Variants in NLGN4X observed in about 807,000 individuals in gnomAD.
NLGN4X encodes neuroligin-4, X-linked.
NLGN4X carries 3 observed loss-of-function variants against 40.3 expected under a neutral mutation model. That is an observed-to-expected ratio of 0.07 (90% CI 0.03 to 0.19). The LOEUF (loss-of-function observed/expected upper bound fraction) is 0.19, where lower values mean the gene tolerates loss of function less well. Ranked by LOEUF, NLGN4X falls within the 10% of genes least tolerant of loss-of-function variation. The probability of loss-of-function intolerance (pLI) is 1.00; values close to 1 mark genes in which losing one functional copy is unlikely to be tolerated. For missense variants in NLGN4X, 382 were observed against 708.3 expected (o/e 0.54, Z 5.23); for synonymous variants, 270 against 306.8 (o/e 0.88, Z 1.25).
At chrX:6,092,621 T>C (rs1296036908) in intron 2 of NLGN4X, among the ~76,000 whole-genome samples, 1 of 111,999 alleles carries the variant, frequency 8.9e-6, no homozygotes, top group Non-Finnish European at 1.9e-5. Flanking sequence ...ACACAAAACT[T>C]GTGGTATTAA....
chrX:6,198,312 G>T lies in NLGN4X; in HGVS notation c.-306+30229C>A, dbSNP rs368385131. Reference sequence around the variant, plus strand: ...CATTCCAACTCGCCCTGGGTAGTCAGTCAAGAAGACACCTAGGACATAAGA... The same window carrying T: ...CATTCCAACTCGCCCTGGGTAGTCATTCAAGAAGACACCTAGGACATAAGA... On this transcript the variant is annotated intron_variant, in intron 1 of 5. Coordinates refer to ENST00000381095, the MANE Select transcript of NLGN4X (RefSeq NM_181332.3). 6.3e-5 allele frequency among the ~76,000 whole-genome samples: 7 copies of T among 111,613 alleles called. No individual in the cohort carries two copies. In the East Asian group the frequency reaches 1.4e-3, roughly 23 times the overall value.
chrX:6,139,288 T>G (rs1003081608), intron 2 of NLGN4X, among the ~76,000 whole-genome samples: 1 of 112,181 alleles, frequency 8.9e-6, no homozygotes, highest in African/African-American at 3.2e-5. Flanking sequence ...CTTTATTCTA[T>G]AGTCTGCTAA....
intron 2 of NLGN4X, among the ~76,000 whole-genome samples, chrX:6,068,371 C>T (rs942787186): frequency 9.0e-6 from 1 of 110,669 alleles, no homozygotes; most frequent in Non-Finnish European, 1.9e-5. Flanking sequence ...AGGCAGGGGG[C>T]AAGAGAGGGA....
At chrX:6,000,695 G>A (rs2035950751) in intron 3 of NLGN4X, among the ~76,000 whole-genome samples, 1 of 111,709 alleles carries the variant, frequency 9.0e-6, no homozygotes, top group Non-Finnish European at 1.9e-5. Context: ...ACCTCAGCCT[G>A]GACTTCATTG....
intron 4 of NLGN4X, among the ~76,000 whole-genome samples, chrX:5,905,831 C>G (rs760947076): frequency 8.9e-6 from 1 of 111,824 alleles, no homozygotes; most frequent in South Asian, 3.8e-4. Context: ...AGATGCGTCT[C>G]TTTTTTGTAG....
chrX:6,059,399 AT>A (rs2037715403), intron 2 of NLGN4X, among the ~76,000 whole-genome samples: 1 of 111,834 alleles, frequency 8.9e-6, no homozygotes, highest in Admixed American at 9.5e-5. Flanking sequence ...GTTGTCTTCC[AT>A]TTTTCATTAT....
At chrX:5,990,978 C>T (rs1423589599) in intron 3 of NLGN4X, among the ~76,000 whole-genome samples, 1 of 109,924 alleles carries the variant, frequency 9.1e-6, no homozygotes, top group Non-Finnish European at 1.9e-5. Context: ...CCAGCACATG[C>T]GTGTGTGCAT....
intron 2 of NLGN4X, among the ~76,000 whole-genome samples, chrX:6,095,771 A>G (rs763397798): frequency 2.7e-5 from 3 of 111,890 alleles, no homozygotes; most frequent in African/African-American, 9.8e-5. Flanking sequence ...TGGAGTGGGT[A>G]GACGCCAGGA....
At chrX:6,179,005 G>A (rs1921110733) in intron 1 of NLGN4X, among the ~76,000 whole-genome samples, 1 of 108,499 alleles carries the variant, frequency 9.2e-6, no homozygotes, top group Non-Finnish European at 1.9e-5. Flanking sequence ...GGTGTGAGAT[G>A]GGAAGATTAC....
At chrX:6,206,273 A>T (rs747074622) in intron 1 of NLGN4X, among the ~76,000 whole-genome samples, 26 of 111,691 alleles carry the variant, frequency 2.3e-4, no homozygotes, top group African/African-American at 8.5e-4. Flanking sequence ...AGCTGGCTGC[A>T]TAACTTCAGG....
intron 2 of NLGN4X, among the ~76,000 whole-genome samples, chrX:6,118,612 G>A (rs182461833): frequency 1.6e-3 from 183 of 111,469 alleles, no homozygotes; most frequent in Non-Finnish European, 2.2e-3. Context: ...ATCCTCCCTT[G>A]AGCGTATTAT....
intron 3 of NLGN4X, among the ~76,000 whole-genome samples, chrX:6,022,799 G>A (rs1359040947): frequency 2.7e-5 from 3 of 111,626 alleles, no homozygotes; most frequent in African/African-American, 9.8e-5. Flanking sequence ...CAATTTCAGA[G>A]GAAAACCCTA....
intron 2 of NLGN4X, chrX:6,032,596 G>T: frequency 3.9e-6 from 2 of 510,643 alleles, no homozygotes; most frequent in East Asian, 4.0e-5. Context: ...TTTTAAATAA[G>T]GGGAGAAAAA....
chrX:6,098,945 G>T (rs1241736943), intron 2 of NLGN4X, among the ~76,000 whole-genome samples: 1 of 112,182 alleles, frequency 8.9e-6, no homozygotes, highest in South Asian at 3.7e-4. Flanking sequence ...ACTGCTGGAA[G>T]AGTTTCTCAA....
chrX:6,094,469 C>T (rs2038712342), intron 2 of NLGN4X, among the ~76,000 whole-genome samples: 2 of 110,381 alleles, frequency 1.8e-5, no homozygotes, highest in South Asian at 7.8e-4. Context: ...ATGTTTTTCC[C>T]TGTGCCAGTG....
At chrX:6,127,313 T>C (rs926257027) in intron 2 of NLGN4X, among the ~76,000 whole-genome samples, 10 of 112,332 alleles carry the variant, frequency 8.9e-5, no homozygotes, top group East Asian at 2.8e-4. Flanking sequence ...CCACAAATCA[T>C]TGGGAAAGAA....
chrX:5,960,861 G>A (rs1015535087), intron 3 of NLGN4X, among the ~76,000 whole-genome samples: 35 of 111,323 alleles, frequency 3.1e-4, no homozygotes, highest in African/African-American at 1.0e-3. Context: ...TAGCAAGTTC[G>A]TGAATGTTAT....
intron 2 of NLGN4X, among the ~76,000 whole-genome samples, chrX:6,129,512 T>C (rs2039633386): frequency 8.9e-6 from 1 of 112,247 alleles, no homozygotes. Flanking sequence ...CATATTTCAC[T>C]AGCTAAAAAG....
intron 2 of NLGN4X, among the ~76,000 whole-genome samples, chrX:6,050,454 C>A (rs1434240498): frequency 9.0e-6 from 1 of 110,764 alleles, no homozygotes; most frequent in African/African-American, 3.3e-5. Context: ...ACCTACCTAT[C>A]TATCCATCTC....
Sources: gnomAD v4.1 joint callset for allele counts (sites outside exome capture counted in the v4.1 genomes callset) on GRCh38, gnomAD v4.1.1 for gene constraint, MANE v1.5 for transcripts, NCBI Gene and HGNC (gene_info 2026-07-23, HGNC 2026-07-21) for gene names.